Variants in TXLNB observed in about 807,000 individuals in gnomAD.
The protein encoded by TXLNB is taxilin beta, also known as beta-taxilin.
TXLNB carries 37 observed loss-of-function variants against 57.4 expected under a neutral mutation model. That is an observed-to-expected ratio of 0.64 (90% confidence interval 0.50 to 0.85). The LOEUF (loss-of-function observed/expected upper bound fraction) is 0.85. Ranked by LOEUF, TXLNB falls within the 40% of genes least tolerant of loss-of-function variation. TXLNB has a pLI of 0.00. For synonymous variants in TXLNB, 302 were observed against 309.6 expected, an observed-to-expected ratio of 0.98 and a Z score of 0.26; for missense variants, 848 against 825.6, an observed-to-expected ratio of 1.03 and a Z score of -0.33.
the TXLNB span, among the ~76,000 whole-genome samples, chr6:139,197,489 A>C: frequency 3.3e-5 from 5 of 152,188 alleles, no homozygotes; most frequent in African/African-American, 1.2e-4. Context: ...TGGAGGTATG[A>C]TACATTACAA....
At chr6:139,160,782 G>A in the TXLNB span, among the ~76,000 whole-genome samples, 1 of 152,188 alleles carries the variant, frequency 6.6e-6, no homozygotes, top group Non-Finnish European at 1.5e-5. Context: ...AAACATTGGA[G>A]CAGTTTGCAT....
the TXLNB span, among the ~76,000 whole-genome samples, chr6:139,205,403 G>A: frequency 3.3e-5 from 5 of 152,084 alleles, no homozygotes; most frequent in East Asian, 3.9e-4. Context: ...CTGGGATTAC[G>A]GGCTACTTAA....
chr6:139,199,135 C>A, the TXLNB span, among the ~76,000 whole-genome samples: 1 of 152,040 alleles, frequency 6.6e-6, no homozygotes, highest in Non-Finnish European at 1.5e-5. Flanking sequence ...AGAAAAATAT[C>A]TATATTTAGA....
chr6:139,299,404 A>G, the TXLNB span, among the ~76,000 whole-genome samples: 28 of 152,326 alleles, frequency 1.8e-4, no homozygotes, highest in African/African-American at 6.7e-4. Flanking sequence ...AAACCTTACT[A>G]ATGGCAAGAA....
At chr6:139,264,656 T>G (rs1446255622) in intron 4 of TXLNB, among the ~76,000 whole-genome samples, 1 of 151,990 alleles carries the variant, frequency 6.6e-6, no homozygotes, top group African/African-American at 2.4e-5. Flanking sequence ...AACACCCGAG[T>G]TCAAGTGATT....
chr6:139,187,664 C>T, the TXLNB span, among the ~76,000 whole-genome samples: 3 of 152,140 alleles, frequency 2.0e-5, no homozygotes, highest in Non-Finnish European at 4.4e-5. Flanking sequence ...CTGGGGGAAA[C>T]CATATGCAGA....
At position 139,240,750 on chromosome 6, in the gene TXLNB, T is replaced by A. The variant is rs570903214; in HGVS notation, c.*1776A>T. On this transcript the variant is annotated 3_prime_UTR_variant, in exon 10 of 10. Transcript: ENST00000358430. ...TTTTTTTCCTGCCTAGCAACTTTGT[T>A]ATTATCCTCACTGTCTACTTCAAAC... 2.6e-5 allele frequency: 4 copies of A among 152,736 alleles called. No homozygotes were observed. Among genetic ancestry groups the A allele is most frequent in the South Asian group, 4.1e-4 (2 of 4,824 alleles). 9.5% of individuals were successfully genotyped at this position (152,736 alleles called of 1,614,324 possible).
chr6:139,168,425 GTT>G, the TXLNB span, among the ~76,000 whole-genome samples: 39 of 138,146 alleles, frequency 2.8e-4, no homozygotes, highest in Non-Finnish European at 2.8e-4. Context: ...GATTTGCATA[GTT>G]TTTTTTTTTT....
chr6:139,239,253 G>A (rs980331606), downstream of TXLNB: 12 of 152,228 alleles, frequency 7.9e-5, no homozygotes, highest in African/African-American at 2.9e-4. This position sits in a 1 kb window ranked among gnomAD's most constrained non-coding sequence, Gnocchi z 4.7. Context: ...GAGCAGTCAG[G>A]AGGGCTGGAG....
rs765343223 is a variant in TXLNB, at chr6:139,243,130, A to G, written c.1451T>C (p.Val484Ala). 16 of 1,613,978 alleles carry G rather than the reference A, an allele frequency of 9.9e-6. No individual in the cohort carries two copies. In the African/African-American group the frequency reaches 1.6e-4, roughly 16 times the overall value. The change falls in exon 10 of 10, where the codon GTG becomes GCG. Residue 484 changes from valine to alanine, a missense_variant. Val to Ala is a moderately conservative substitution (Grantham distance 64, BLOSUM62 0). Coordinates refer to ENST00000358430, the MANE Select transcript of TXLNB (RefSeq NM_153235.4). ...SDEEPESNVS[V>A]DQEIDAEEVN... ...CTCCTCTGCGTCAATCTCTTGATCC[A>G]CAGAGACGTTTGACTCTGGCTCTTC...
the TXLNB span, among the ~76,000 whole-genome samples, chr6:139,298,679 C>T: frequency 1.3e-5 from 2 of 152,136 alleles, no homozygotes; most frequent in Non-Finnish European, 1.5e-5. Context: ...CCCTGCATGC[C>T]AGCAAGAGGA....
chr6:139,196,365 G>GGTTTT, the TXLNB span, among the ~76,000 whole-genome samples: 1 of 38,966 alleles, frequency 2.6e-5, no homozygotes, highest in South Asian at 6.6e-4. Flanking sequence ...TCCAGATCTG[G>GGTTTT]TTTTTTTTTT....
chr6:139,256,270 T>G (rs1776337325), intron 6 of TXLNB, among the ~76,000 whole-genome samples: 1 of 152,218 alleles, frequency 6.6e-6, no homozygotes, highest in South Asian at 2.1e-4. Context: ...CAGCCTCTGC[T>G]GGAACCTCTC....
At chr6:139,265,350 A>G (rs1325413799) in intron 4 of TXLNB, among the ~76,000 whole-genome samples, 1 of 152,194 alleles carries the variant, frequency 6.6e-6, no homozygotes, top group Non-Finnish European at 1.5e-5. Context: ...GAATATATGT[A>G]TGATTTTGTT....
chr6:139,226,358 C>T, the TXLNB span, among the ~76,000 whole-genome samples: 2,295 of 131,014 alleles, frequency 0.018, 49 homozygotes, highest in African/African-American at 0.06. Context: ...GACACACATA[C>T]ACCTGAACAT....
chr6:139,244,210 C>A (rs1372807625), intron 9 of TXLNB, among the ~76,000 whole-genome samples: 1 of 152,200 alleles, frequency 6.6e-6, no homozygotes, highest in Non-Finnish European at 1.5e-5. Context: ...TGTCTTCTCG[C>A]AGTATGTTCA....
chr6:139,227,287 C>CA, the TXLNB span, among the ~76,000 whole-genome samples: 9 of 143,426 alleles, frequency 6.3e-5, no homozygotes, highest in Admixed American at 1.4e-4. Flanking sequence ...TGAAGTGAGC[C>CA]AAAATCACAC....
At chr6:139,301,816 A>G in the TXLNB span, among the ~76,000 whole-genome samples, 1 of 152,194 alleles carries the variant, frequency 6.6e-6, no homozygotes, top group African/African-American at 2.4e-5. Flanking sequence ...TTTAGTATTC[A>G]TTTAGTACTT....
At chr6:139,277,443 T>C (rs1175943159) in intron 2 of TXLNB, among the ~76,000 whole-genome samples, 2 of 152,212 alleles carry the variant, frequency 1.3e-5, no homozygotes, top group Admixed American at 6.5e-5. Flanking sequence ...GTTCTTTTGG[T>C]ACTTCTTTTC....
Sources: allele counts gnomAD v4.1 joint callset (sites outside exome capture counted in the v4.1 genomes callset), GRCh38; gene constraint gnomAD v4.1.1; non-coding constraint Gnocchi (gnomAD v3.1); transcripts MANE v1.5; gene names NCBI Gene and HGNC (gene_info 2026-07-23, HGNC 2026-07-21).